The following PDCD11 variants were observed in gnomAD, a reference collection of about 807,000 sequenced individuals.
PDCD11 encodes the protein programmed cell death 11.
A neutral mutation model predicts 198.9 loss-of-function variants in PDCD11; 97 were observed. The observed-to-expected ratio is 0.49, with a 90% CI of 0.41 to 0.58. The LOEUF (loss-of-function observed/expected upper bound fraction) is 0.58, where lower values mean the gene tolerates loss of function less well. Among genes scored for constraint, PDCD11 ranks in the 20% least tolerant of loss-of-function variants. The probability of loss-of-function intolerance (pLI) is 0.00; values close to 1 mark genes in which losing one functional copy is unlikely to be tolerated. For synonymous variants in PDCD11, 893 were observed against 918.0 expected, an observed-to-expected ratio of 0.97 and a Z score of 0.49; for missense variants, 2,102 against 2,312.7, an observed-to-expected ratio of 0.91 and a Z score of 1.87.
At position 103,444,631 on chromosome 10, in the gene PDCD11, G is replaced by A. The variant is rs2032522333; in HGVS notation, c.5393G>A (p.Trp1798Ter). ...ACCTACCCAAAGCGCACAGATGTCT[G>A]GTCGGTCTATATCGACATGACCATC... ...LSTYPKRTDV[W>*]SVYIDMTIKH... is the part of the protein sequence containing the mutation. Residue 1798 changes from tryptophan to a stop codon, truncating the protein, a stop_gained, in exon 35 of 36, where the codon TGG (tryptophan) becomes TAG (stop). Coordinates refer to ENST00000369797, the MANE Select transcript of PDCD11 (RefSeq NM_014976.2). LOFTEE classifies it high-confidence loss of function. The A allele has an allele frequency of 6.2e-7, 1 of 1,614,052 alleles. No individual in the cohort carries two copies. The highest frequency in any genetic ancestry group is 8.5e-7 in the Non-Finnish European group (1 of 1,180,054).
chr10:103,443,617 C>T (rs947541344), intron 33 of PDCD11, among the ~76,000 whole-genome samples: 9 of 152,192 alleles, frequency 5.9e-5, no homozygotes, highest in East Asian at 5.8e-4. Context: ...GGGGACGTCC[C>T]GGCCCAGCAT....
At position 103,441,975 on chromosome 10, in the gene PDCD11, G is replaced by A. The variant is rs760657326; in HGVS notation, c.4707G>A (p.Thr1569=). 14 of 1,614,078 alleles carry A rather than the reference G, an allele frequency of 8.7e-6. No individual in the cohort carries two copies. The highest frequency in any genetic ancestry group is 5.3e-5 in the African/African-American group (4 of 74,928). ...SEEDEKPHQA[T]IKKSKKEREL... is the part of the protein sequence containing the mutation. The stretch of plus-strand genomic sequence containing the variant: ...AGGATGAGAAGCCACACCAAGCCAC[G>A]GTGCTGTATTTTGCAGGGCATGTCC... The change falls in exon 31 of 36, where the codon ACG becomes ACA. Residue 1569 remains threonine (T), a splice_region_variant and synonymous_variant. Coordinates refer to ENST00000369797, the MANE Select transcript of PDCD11 (RefSeq NM_014976.2).
chr10:103,401,305 C>G (rs1352860149), intron 3 of PDCD11, among the ~76,000 whole-genome samples: 5 of 151,990 alleles, frequency 3.3e-5, no homozygotes. Flanking sequence ...CGGAATCTCT[C>G]TCTGTTGCGC....
intron 8 of PDCD11, among the ~76,000 whole-genome samples, chr10:103,412,746 G>A (rs2030876926): frequency 6.6e-6 from 1 of 152,200 alleles, no homozygotes; most frequent in African/African-American, 2.4e-5. Flanking sequence ...TTACAGGCGT[G>A]AGCCATGATC....
chr10:103,415,133 G>C lies in PDCD11; in HGVS notation c.1500G>C (p.Gly500=). ...MKNPEKKYHI[G]DEVKCRVLLC... is the part of the protein sequence containing the mutation. ...ATCCGGAGAAGAAGTACCACATCGG[G>C]GATGAGGTCAAGTGCCGGGTGAGCC... The change falls in exon 12 of 36, where the codon GGG becomes GGC. Residue 500 remains glycine, a synonymous_variant. Coordinates refer to ENST00000369797, the MANE Select transcript of PDCD11 (RefSeq NM_014976.2). 1 of 1,613,984 alleles carries C rather than the reference G, an allele frequency of 6.2e-7. No homozygotes were observed. The highest frequency in any genetic ancestry group is 8.5e-7 in the Non-Finnish European group (1 of 1,180,018).
intron 22 of PDCD11, among the ~76,000 whole-genome samples, 155 bp downstream of exon 22, chr10:103,432,389 G>C (rs956092467): frequency 2.0e-5 from 3 of 152,202 alleles, no homozygotes; most frequent in Non-Finnish European, 2.9e-5. Flanking sequence ...TGCCACTAGA[G>C]AACTTCTGGT....
In PDCD11 at chr10:103,419,547, A is replaced by G; in HGVS notation, c.2116A>G (p.Arg706Gly). The G allele has an allele frequency of 6.2e-7, 1 of 1,613,332 alleles. No homozygotes were observed. The highest frequency in any genetic ancestry group is 1.1e-5 in the South Asian group (1 of 90,930). ...SQSEGRVLLC[R>G]KPALVSTVEG... ...GATGAAGTACCACTAGCTTCTTTGC[A>G]GGAAGCCAGCCTTGGTCTCCACAGT... Residue 706 changes from arginine (R) to glycine (G), a missense_variant, in exon 16 of 36, where the codon AGG becomes GGG. Transcript: ENST00000369797.
chr10:103,414,248 CTG>C lies in PDCD11; in HGVS notation c.1311-18_1311-17del, dbSNP rs1223756580. 6.2e-7 allele frequency: 1 copy of C among 1,609,504 alleles called. No individual in the cohort carries two copies. The highest frequency in any genetic ancestry group is 1.7e-5 in the Admixed American group (1 of 59,804). Reference sequence around the variant, plus strand: ...AACCTCTGCCCTAGTTTATTTAATTCTGTGTTTTCTCCTTGTCCTAGGTCTAT... The same window carrying C: ...AACCTCTGCCCTAGTTTATTTAATTCTGTTTTCTCCTTGTCCTAGGTCTAT... On this transcript the variant is annotated intron_variant, in intron 10 of 35. Coordinates refer to ENST00000369797, the MANE Select transcript of PDCD11 (RefSeq NM_014976.2).
intron 4 of PDCD11, among the ~76,000 whole-genome samples, chr10:103,403,524 A>G (rs534585434): frequency 6.6e-6 from 1 of 152,284 alleles, no homozygotes; most frequent in South Asian, 2.1e-4. Flanking sequence ...GGCAGAAGCA[A>G]TGTAATATAT....
At chr10:103,443,649 T>TC (rs1217454611) in intron 33 of PDCD11, among the ~76,000 whole-genome samples, 4 of 152,104 alleles carry the variant, frequency 2.6e-5, no homozygotes, top group Non-Finnish European at 5.9e-5. Context: ...TCTCTCCTAC[T>TC]CCCCCTTGTC....
At chr10:103,442,163 C>G (rs745604805) in intron 31 of PDCD11, 50 bp from the exon 32 acceptor site, 6 of 1,605,270 alleles carry the variant, frequency 3.7e-6, no homozygotes, top group Non-Finnish European at 5.1e-6. Flanking sequence ...CAGACCTCCC[C>G]TAGGCCTTGA....
intron 12 of PDCD11, among the ~76,000 whole-genome samples, chr10:103,415,650 T>A (rs2031066087): frequency 6.6e-6 from 1 of 152,146 alleles, no homozygotes; most frequent in Admixed American, 6.5e-5. Flanking sequence ...TTGCCCAGAG[T>A]CACACAGCTA....
At chr10:103,430,678 G>A (rs1250363423) in intron 21 of PDCD11, among the ~76,000 whole-genome samples, 2 of 150,882 alleles carry the variant, frequency 1.3e-5, no homozygotes, top group African/African-American at 4.9e-5. Context: ...CCGGGGTAAG[G>A]TGATATCTCA....
intron 15 of PDCD11, among the ~76,000 whole-genome samples, chr10:103,418,855 G>C (rs2031264893): frequency 6.6e-6 from 1 of 152,208 alleles, no homozygotes; most frequent in African/African-American, 2.4e-5. Context: ...GTTGCAGAGA[G>C]GGGGACTCTC....
chr10:103,435,883 TTACATACCCTCCA>T (rs1211377012), intron 25 of PDCD11, among the ~76,000 whole-genome samples: 3 of 152,136 alleles, frequency 2.0e-5, no homozygotes, highest in Non-Finnish European at 4.4e-5. Context: ...AATTGATGGG[TTACATACCCTCCA>T]AAATGACTGT....
Position 103,405,969 on chromosome 10 carries a change from A to G in PDCD11, c.565-16A>G. ...CCTTTGAATTGGAACTTCTGGGACT[A>G]CTTTCTCTTCCCCAGCTACTTACAG... On this transcript the variant is annotated splice_polypyrimidine_tract_variant and intron_variant, in intron 5 of 35. Coordinates refer to ENST00000369797, the MANE Select transcript of PDCD11 (RefSeq NM_014976.2). The G allele has an allele frequency of 1.2e-6, 2 of 1,612,836 alleles. No individual in the cohort carries two copies. Among genetic ancestry groups the G allele is most frequent in the Non-Finnish European group, 1.7e-6 (2 of 1,179,218 alleles).
chr10:103,418,737 T>C, intron 15 of PDCD11, 103 bp downstream of exon 15: 4 of 982,876 alleles, frequency 4.1e-6, no homozygotes, highest in East Asian at 2.5e-5. Context: ...CTCAGAAATA[T>C]CTCCACAAAA....
At position 103,417,703 on chromosome 10, in the gene PDCD11, A is replaced by G; in HGVS notation, c.1771-89A>G. On this transcript the variant is annotated intron_variant, in intron 13 of 35. Coordinates refer to ENST00000369797, the MANE Select transcript of PDCD11 (RefSeq NM_014976.2). ...ATCCAAAGGCTCGGTAGATCTCCCAAGTCCTCTGCAGCAGTAGTGGAGGGC... is the reference window on the plus strand; with the variant it reads ...ATCCAAAGGCTCGGTAGATCTCCCAGGTCCTCTGCAGCAGTAGTGGAGGGC... 3.0e-5 allele frequency: 41 copies of G among 1,379,590 alleles called. No individual in the cohort carries two copies. In the East Asian group the frequency reaches 6.4e-4, roughly 22 times the overall value. The allele number at this position is 1,379,590 out of a possible 1,614,324, so 85.5% of individuals were successfully genotyped here.
At chr10:103,420,556 G>A (rs566839707) in intron 16 of PDCD11, among the ~76,000 whole-genome samples, 30 of 152,314 alleles carry the variant, frequency 2.0e-4, no homozygotes, top group African/African-American at 7.0e-4. Flanking sequence ...ACTCACCAAA[G>A]TCATGGAAGA....
Sources: gnomAD v4.1 joint callset for allele counts (sites outside exome capture counted in the v4.1 genomes callset) on GRCh38, gnomAD v4.1.1 for gene constraint, MANE v1.5 for transcripts, NCBI Gene and HGNC (gene_info 2026-07-23, HGNC 2026-07-21) for gene names.